FAM53A: variants seen among roughly 807,000 people sequenced by gnomAD.
FAM53A encodes the protein family with sequence similarity 53 member A, also known as protein FAM53A.
In FAM53A, 28 loss-of-function variants were observed where a neutral mutation model predicts 26.6. The observed-to-expected ratio is 1.05, with a 90% CI of 0.78 to 1.45. The LOEUF is 1.45. Ranked by LOEUF, FAM53A falls within the 40% of genes most tolerant of loss-of-function variation. The probability of loss-of-function intolerance (pLI) is 0.00; values close to 1 mark genes in which losing one functional copy is unlikely to be tolerated. For synonymous variants in FAM53A, 290 were observed against 253.1 expected, an observed-to-expected ratio of 1.15 and a Z score of -1.38; for missense variants, 650 against 575.8, an observed-to-expected ratio of 1.13 and a Z score of -1.32.
At chr4:1,596,887 G>GAGAGACAGTGGGAGAT in the FAM53A span, among the ~76,000 whole-genome samples, 2 of 152,190 alleles carry the variant, frequency 1.3e-5, no homozygotes, top group African/African-American at 4.8e-5. Context: ...CAGTGGGAGA[G>GAGAGACAGTGGGAGAT]AGAGACAGAG....
chr4:1,607,126 C>T, the FAM53A span, among the ~76,000 whole-genome samples: 1 of 152,224 alleles, frequency 6.6e-6, no homozygotes, highest in African/African-American at 2.4e-5. Flanking sequence ...TCAGGCGATT[C>T]TCCTGCCTCA....
intron 3 of FAM53A, 55 bp downstream of exon 3, chr4:1,657,353 G>A: frequency 1.3e-6 from 2 of 1,534,402 alleles, no homozygotes. Flanking sequence ...TCCCAGCCCA[G>A]GAGCCCAGTC....
chr4:1,674,900 C>A (rs1272566159), intron 1 of FAM53A, among the ~76,000 whole-genome samples: 9 of 152,182 alleles, frequency 5.9e-5, no homozygotes, highest in African/African-American at 2.2e-4. Flanking sequence ...TGAGGCCAGT[C>A]TCCAGTCTGC....
Position 1,630,915 on chromosome 4 carries a change from C to T in FAM53A, c.432-12804G>A, listed in dbSNP as rs1046590725. ...TGTTGAGGCTGGGCACCATGGCACG[C>T]GCCTGCAGTCCCAGCACTTTGGGAG... On this transcript the variant is annotated intron_variant, in intron 1 of 1. Transcript: ENST00000489029. This position sits in a 1 kb window ranked among gnomAD's most constrained non-coding sequence, Gnocchi z 4.3. Among the ~76,000 whole-genome samples the T allele has an allele frequency of 6.6e-6, 1 of 152,186 alleles. No individual in the cohort carries two copies. Among genetic ancestry groups the T allele is most frequent in the East Asian group, 1.9e-4 (1 of 5,200 alleles).
chr4:1,616,126 A>C (rs950677175), downstream of FAM53A, among the ~76,000 whole-genome samples: 1 of 152,200 alleles, frequency 6.6e-6, no homozygotes, highest in Non-Finnish European at 1.5e-5. Flanking sequence ...GGCAAGACGA[A>C]GGGGTGGGCA....
chr4:1,606,566 AGACAAGTGCATAAT>A, the FAM53A span, among the ~76,000 whole-genome samples: 684 of 152,312 alleles, frequency 4.5e-3, 7 homozygotes, highest in African/African-American at 0.016. Flanking sequence ...CGCGTGACTC[AGACAAGTGCATAAT>A]GACAAGTGCA....
At position 1,669,404 on chromosome 4, in the gene FAM53A, G is replaced by C. The variant is rs370279269; in HGVS notation, c.-164-499C>G. On this transcript the variant is annotated intron_variant, in intron 1 of 4. Coordinates refer to ENST00000308132, the MANE Select transcript of FAM53A (RefSeq NM_001174070.3). ...AGGGTCTGCACCTGGCGTGCTGACA[G>C]CAAGGGGCCGGCGGAGGAAGGGCGA... 6.1e-3 allele frequency among the ~76,000 whole-genome samples: 931 copies of C among 152,362 alleles called. 11 individuals carry two copies. The highest frequency in any genetic ancestry group is 0.021 in the African/African-American group (875 of 41,582).
chr4:1,675,696 T>C (rs960928870), intron 1 of FAM53A, among the ~76,000 whole-genome samples: 1 of 152,164 alleles, frequency 6.6e-6, no homozygotes, highest in African/African-American at 2.4e-5. Context: ...TGGGCAACCC[T>C]TGGCCCGACC....
At chr4:1,677,226 T>G (rs1715105361) in intron 1 of FAM53A, among the ~76,000 whole-genome samples, 2 of 152,172 alleles carry the variant, frequency 1.3e-5, no homozygotes. Context: ...CTTTAGAAAA[T>G]GCTCAAGGCG....
the FAM53A span, among the ~76,000 whole-genome samples, chr4:1,598,103 G>A: frequency 6.6e-5 from 10 of 152,224 alleles, no homozygotes; most frequent in Non-Finnish European, 1.2e-4. Flanking sequence ...AGGCCCAGCC[G>A]AAGGCCACTG....
At chr4:1,676,205 G>A (rs1715030499) in intron 1 of FAM53A, among the ~76,000 whole-genome samples, 1 of 152,228 alleles carries the variant, frequency 6.6e-6, no homozygotes, top group Admixed American at 6.5e-5. Context: ...CAAGACGCCA[G>A]CAGGGCCATG....
At chr4:1,679,870 G>T (rs1228491018) in intron 1 of FAM53A, among the ~76,000 whole-genome samples, 1 of 151,128 alleles carries the variant, frequency 6.6e-6, no homozygotes, top group Non-Finnish European at 1.5e-5. Context: ...CCCACACATC[G>T]AAACCCCATC....
At chr4:1,599,015 C>T in the FAM53A span, among the ~76,000 whole-genome samples, 1 of 152,262 alleles carries the variant, frequency 6.6e-6, no homozygotes, top group Admixed American at 6.5e-5. This position sits in a 1 kb window ranked among gnomAD's most constrained non-coding sequence, Gnocchi z 6.1. Flanking sequence ...TGCAGCACCG[C>T]GTTCCTTCCC....
chr4:1,649,261 A>G (rs895581499), intron 4 of FAM53A, among the ~76,000 whole-genome samples: 4 of 152,026 alleles, frequency 2.6e-5, no homozygotes, highest in Non-Finnish European at 5.9e-5. Context: ...GAAAGAAAGA[A>G]GGAAACAAGG....
intron 1 of FAM53A, among the ~76,000 whole-genome samples, chr4:1,621,888 C>T (rs1404338657): frequency 3.9e-5 from 6 of 152,228 alleles, no homozygotes. Context: ...TGTTGGAAAC[C>T]TGATCCCCAC....
chr4:1,597,914 C>T, the FAM53A span, among the ~76,000 whole-genome samples: 2 of 152,176 alleles, frequency 1.3e-5, no homozygotes, highest in Admixed American at 6.5e-5. Flanking sequence ...GAGAATCGCT[C>T]GAACCTGAGA....
chr4:1,644,775 C>A (rs1199537990), intron 4 of FAM53A: 1 of 156,644 alleles, frequency 6.4e-6, no homozygotes, highest in Admixed American at 6.2e-5. Context: ...TGCACGGACC[C>A]CAGCTGACAG....
At chr4:1,613,286 A>G (rs1411632289), downstream of FAM53A, among the ~76,000 whole-genome samples, 1 of 152,172 alleles carries the variant, frequency 6.6e-6, no homozygotes, top group Non-Finnish European at 1.5e-5. Flanking sequence ...GTGTCTGGCG[A>G]GGGCCCAGGC....
At chr4:1,581,746 C>T in the FAM53A span, among the ~76,000 whole-genome samples, 1 of 152,226 alleles carries the variant, frequency 6.6e-6, no homozygotes, top group African/African-American at 2.4e-5. Context: ...AGGCACCCGC[C>T]ACCATACCCA....
Sources: allele counts gnomAD v4.1 joint callset (sites outside exome capture counted in the v4.1 genomes callset), GRCh38; gene constraint gnomAD v4.1.1; non-coding constraint Gnocchi (gnomAD v3.1); transcripts MANE v1.5; gene names NCBI Gene and HGNC (gene_info 2026-07-23, HGNC 2026-07-21).